VPS37A: variants seen among roughly 807,000 people sequenced by gnomAD.
The protein encoded by VPS37A is vacuolar protein sorting-associated protein 37A.
VPS37A carries 30 observed loss-of-function variants against 49.8 expected under a neutral mutation model. The ratio of observed to expected loss-of-function variants is 0.60; its 90% confidence interval spans 0.45 to 0.82. VPS37A has a LOEUF of 0.82. Among genes scored for constraint, VPS37A ranks in the 40% least tolerant of loss-of-function variants. VPS37A has a pLI of 0.00. For missense variants in VPS37A, 593 were observed against 464.4 expected, an observed-to-expected ratio of 1.28 and a Z score of -2.55; for synonymous variants, 195 against 160.6, an observed-to-expected ratio of 1.21 and a Z score of -1.62.
At chr8:17,271,263 G>A (rs1293851290) in intron 4 of VPS37A, among the ~76,000 whole-genome samples, 1 of 152,056 alleles carries the variant, frequency 6.6e-6, no homozygotes, top group Non-Finnish European at 1.5e-5. Flanking sequence ...TTTTTCATTT[G>A]GTACTTTCTC....
chr8:17,300,005 C>G (rs1301330942), downstream of VPS37A: 6 of 1,614,160 alleles, frequency 3.7e-6, no homozygotes, highest in East Asian at 1.3e-4. Flanking sequence ...AGATCTGGAT[C>G]TGAACTTTTC....
chr8:17,288,796 T>C (rs1049843398), intron 11 of VPS37A, among the ~76,000 whole-genome samples: 12 of 152,196 alleles, frequency 7.9e-5, no homozygotes, highest in African/African-American at 2.9e-4. Flanking sequence ...ATCACCACAC[T>C]GGTCTTCCAT....
chr8:17,308,788 A>T, the VPS37A span, among the ~76,000 whole-genome samples: 3 of 152,118 alleles, frequency 2.0e-5, no homozygotes, highest in Admixed American at 2.0e-4. Context: ...AGTGAATATC[A>T]TGGCCTGGAT....
intron 1 of VPS37A, among the ~76,000 whole-genome samples, chr8:17,257,808 A>G (rs1265096675): frequency 6.6e-6 from 1 of 152,078 alleles, no homozygotes; most frequent in African/African-American, 2.4e-5. Context: ...TGTCCTCTTC[A>G]ATTTCTTTCA....
At chr8:17,294,928 A>G (rs1816507687) in intron 11 of VPS37A, 59 bp from the exon 12 acceptor site, 1 of 152,246 alleles carries the variant, frequency 6.6e-6, no homozygotes, top group Non-Finnish European at 1.5e-5. Flanking sequence ...AGATAATGTA[A>G]AGAGATACAT....
intron 1 of VPS37A, among the ~76,000 whole-genome samples, chr8:17,262,916 C>T (rs1184542360): frequency 6.6e-6 from 1 of 151,876 alleles, no homozygotes; most frequent in African/African-American, 2.4e-5. Context: ...CAAAAATTAG[C>T]TGGGTGTGGT....
At chr8:17,316,479 A>C in the VPS37A span, among the ~76,000 whole-genome samples, 1 of 140,652 alleles carries the variant, frequency 7.1e-6, no homozygotes, top group Non-Finnish European at 1.5e-5. Context: ...AAAAAAAAAA[A>C]CCTTTCTACA....
the VPS37A span, among the ~76,000 whole-genome samples, chr8:17,324,693 G>A: frequency 6.6e-6 from 1 of 152,174 alleles, no homozygotes; most frequent in African/African-American, 2.4e-5. Flanking sequence ...CTTGTTAATA[G>A]GCCATACAAA....
chr8:17,324,064 G>A, the VPS37A span, among the ~76,000 whole-genome samples: 1 of 152,094 alleles, frequency 6.6e-6, no homozygotes, highest in Non-Finnish European at 1.5e-5. Flanking sequence ...CTTTGGCTTT[G>A]ACATCCAGTT....
At chr8:17,279,996 A>G (rs770934816) in intron 6 of VPS37A, 32 bp from the exon 7 acceptor site, 1 of 1,607,220 alleles carries the variant, frequency 6.2e-7, no homozygotes, top group Non-Finnish European at 8.5e-7. Flanking sequence ...GATGTCTGAT[A>G]TTTATTGACA....
chr8:17,279,905 G>T (rs1012369373), intron 6 of VPS37A, 123 bp from the exon 7 acceptor site: 11 of 1,195,322 alleles, frequency 9.2e-6, no homozygotes, highest in Non-Finnish European at 1.3e-5. Flanking sequence ...GCAGCCTTAG[G>T]TGTATATGTA....
At chr8:17,314,300 C>G in the VPS37A span, among the ~76,000 whole-genome samples, 3 of 152,094 alleles carry the variant, frequency 2.0e-5, no homozygotes, top group Non-Finnish European at 4.4e-5. Context: ...TTATTGTTCT[C>G]TGTGATGCAG....
At chr8:17,302,032 G>C, downstream of VPS37A, 2 of 1,296,766 alleles carry the variant, frequency 1.5e-6, no homozygotes, top group Non-Finnish European at 2.2e-6. Context: ...TGTGTTTCAG[G>C]TGTTCTACTG....
chr8:17,247,692 C>G (rs1340665471), intron 1 of VPS37A: 1 of 702,944 alleles, frequency 1.4e-6, no homozygotes, highest in South Asian at 1.5e-5. Flanking sequence ...GGCTTCGCCA[C>G]TGATCTTTCC....
intron 1 of VPS37A, among the ~76,000 whole-genome samples, chr8:17,253,095 A>G (rs1031299103): frequency 1.3e-5 from 2 of 152,222 alleles, no homozygotes; most frequent in Non-Finnish European, 2.9e-5. Flanking sequence ...TTTTCTCATT[A>G]GAAATATTAG....
At chr8:17,249,606 TCACCTATTCTTGTTAGTC>T (rs1270301621) in intron 1 of VPS37A, among the ~76,000 whole-genome samples, 5 of 152,212 alleles carry the variant, frequency 3.3e-5, no homozygotes, top group African/African-American at 7.2e-5. Context: ...AAAATGCCAC[TCACCTATTCTTGTTAGTC>T]CACCCTTTTA....
downstream of VPS37A, chr8:17,300,130 T>A: frequency 1.2e-6 from 2 of 1,614,160 alleles, no homozygotes; most frequent in Non-Finnish European, 1.7e-6. Context: ...TATGCTGTTG[T>A]CTGAGGTAGA....
intron 1 of VPS37A, among the ~76,000 whole-genome samples, chr8:17,256,190 CCCA>C (rs1812431051): frequency 6.6e-6 from 1 of 151,810 alleles, no homozygotes; most frequent in Non-Finnish European, 1.5e-5. Context: ...AATTTACATT[CCCA>C]CCAGCAGTAT....
At position 17,295,126 on chromosome 8, in the gene VPS37A, A is replaced by T. The variant is rs909214715; in HGVS notation, c.*140A>T. On this transcript the variant is annotated 3_prime_UTR_variant, in exon 12 of 12. Coordinates refer to ENST00000324849, the MANE Select transcript of VPS37A (RefSeq NM_152415.3). ...TATATAGATTGTATACAGAACTGAG[A>T]CTGATTTTGTACCGATTAGAATGAT... 6.6e-6 allele frequency: 1 copy of T among 152,612 alleles called. No individual in the cohort carries two copies. The highest frequency in any genetic ancestry group is 1.5e-5 in the Non-Finnish European group (1 of 68,026). The allele number at this position is 152,612 out of a possible 1,614,324, so 9.5% of individuals were successfully genotyped here.
Sources: gnomAD v4.1 joint callset for allele counts (sites outside exome capture counted in the v4.1 genomes callset) on GRCh38, gnomAD v4.1.1 for gene constraint, MANE v1.5 for transcripts, NCBI Gene and HGNC (gene_info 2026-07-23, HGNC 2026-07-21) for gene names.